IGSF21: variants seen among roughly 807,000 people sequenced by gnomAD.
IGSF21 encodes the protein immunoglobin superfamily member 21.
IGSF21 carries 28 observed loss-of-function variants against 46.8 expected under a neutral mutation model. The ratio of observed to expected loss-of-function variants is 0.60; its 90% CI spans 0.44 to 0.82. The LOEUF is 0.82. Ranked by LOEUF, IGSF21 falls within the 40% of genes least tolerant of loss-of-function variation. IGSF21 has a pLI of 0.00. For missense variants in IGSF21, 624 were observed against 665.5 expected (o/e 0.94, Z 0.69); for synonymous variants, 284 against 273.6 (o/e 1.04, Z -0.38).
intron 2 of IGSF21, among the ~76,000 whole-genome samples, chr1:18,286,107 C>A (rs1424752049): frequency 1.3e-5 from 2 of 152,196 alleles, no homozygotes; most frequent in African/African-American, 4.8e-5. Context: ...TGTGTGACCC[C>A]AAAAGCCTCT....
At chr1:18,182,830 C>G (rs2086869689) in intron 1 of IGSF21, among the ~76,000 whole-genome samples, 1 of 152,228 alleles carries the variant, frequency 6.6e-6, no homozygotes, top group Non-Finnish European at 1.5e-5. Context: ...GCCTCTCCAC[C>G]TGGTGAAATT....
At chr1:18,125,392 G>A (rs1461120657) in intron 1 of IGSF21, among the ~76,000 whole-genome samples, 2 of 152,188 alleles carry the variant, frequency 1.3e-5, no homozygotes, top group Admixed American at 6.5e-5. Flanking sequence ...CTGGTGCAGG[G>A]CAGGTATCAG....
chr1:18,368,791 C>T (rs1304013544), intron 6 of IGSF21, among the ~76,000 whole-genome samples: 2 of 152,192 alleles, frequency 1.3e-5, no homozygotes, highest in East Asian at 1.9e-4. Context: ...CGGGGTGGCA[C>T]CCTTGCCCCA....
rs535935338 is a variant in IGSF21, at chr1:18,232,274, T to C, written c.183+4264T>C. Among the ~76,000 whole-genome samples the C allele has an allele frequency of 5.5e-5, 8 of 145,752 alleles. No individual in the cohort carries two copies. In the South Asian group the frequency reaches 1.6e-3, roughly 28 times the overall value. ...TCACCAGTAGGAGGCTGTCAGCTAA[T>C]AACTAATCTACCCTAGCACTTAAGT... On this transcript the variant is annotated intron_variant, in intron 2 of 9. Transcript: ENST00000251296.
At chr1:18,377,058 C>A in intron 8 of IGSF21, 66 bp downstream of exon 8, 1 of 1,503,844 alleles carries the variant, frequency 6.6e-7, no homozygotes, top group East Asian at 2.3e-5. Context: ...GGGAGGTTTC[C>A]CCAGGAGGAA....
intron 2 of IGSF21, among the ~76,000 whole-genome samples, chr1:18,242,992 G>C (rs1450278786): frequency 6.6e-6 from 1 of 152,180 alleles, no homozygotes; most frequent in African/African-American, 2.4e-5. Context: ...AAAGGCCTGG[G>C]GGTGGCCCAT....
rs1557668177 is a variant in IGSF21 at position 18,376,716 on chromosome 1, C to G, written c.1102-84C>G. The stretch of plus-strand genomic sequence containing the variant: ...CGTCGGATGAGAATGCTGTGCCACC[C>G]CTGGCCAGGCAGCCCCTGACCCCTT... On this transcript the variant is annotated intron_variant, in intron 7 of 9. Coordinates refer to ENST00000251296, the MANE Select transcript of IGSF21 (RefSeq NM_032880.5). 5 of 1,350,974 alleles carry G rather than the reference C, an allele frequency of 3.7e-6. No individual in the cohort carries two copies. The South Asian group carries it at 4.1e-5, about 11-fold the overall frequency. 83.7% of individuals were successfully genotyped at this position (1,350,974 alleles called of 1,614,324 possible).
chr1:18,129,911 C>T (rs1454710386), intron 1 of IGSF21, among the ~76,000 whole-genome samples: 1 of 152,152 alleles, frequency 6.6e-6, no homozygotes, highest in Admixed American at 6.5e-5. Flanking sequence ...CATGGGATGA[C>T]ACAGCAAGAG....
chr1:18,178,450 A>C (rs1392390027), intron 1 of IGSF21, among the ~76,000 whole-genome samples: 1 of 152,166 alleles, frequency 6.6e-6, no homozygotes, highest in Non-Finnish European at 1.5e-5. Context: ...ATCTAACTTC[A>C]TGTTGCCTCA....
intron 2 of IGSF21, among the ~76,000 whole-genome samples, chr1:18,242,365 G>A (rs2124519094): frequency 6.6e-6 from 1 of 152,340 alleles, no homozygotes; most frequent in South Asian, 2.1e-4. Flanking sequence ...GGCTGAGGCT[G>A]CTTCCAGTCA....
chr1:18,190,040 G>A (rs982001463), intron 1 of IGSF21, among the ~76,000 whole-genome samples: 1 of 152,178 alleles, frequency 6.6e-6, no homozygotes, highest in Non-Finnish European at 1.5e-5. Context: ...GCCACCCTCA[G>A]CCCTCTTCCT....
intron 3 of IGSF21, among the ~76,000 whole-genome samples, chr1:18,298,030 A>G (rs2085328028): frequency 1.3e-5 from 2 of 152,262 alleles, no homozygotes; most frequent in South Asian, 2.1e-4. Context: ...CAGCCAGGCA[A>G]GGTTGGGGCT....
chr1:18,367,759 A>G (rs2086182762), intron 6 of IGSF21, among the ~76,000 whole-genome samples: 1 of 144,970 alleles, frequency 6.9e-6, no homozygotes, highest in African/African-American at 2.6e-5. Context: ...GGTGCCTTCC[A>G]CCACATCCTG....
chr1:18,201,897 C>G (rs1035667868), intron 1 of IGSF21, among the ~76,000 whole-genome samples: 1 of 152,208 alleles, frequency 6.6e-6, no homozygotes, highest in African/African-American at 2.4e-5. Flanking sequence ...GTCCTCTAAT[C>G]TTGATTAAAC....
chr1:18,367,266 A>C lies in IGSF21; in HGVS notation c.1015+1569A>C, dbSNP rs2086175922. ...AAACCCAACACCTCCTCAGTATCAA[A>C]TACCAAAGAAAAGGATTTCTTGTAC... On this transcript the variant is annotated intron_variant, in intron 6 of 9. Transcript: ENST00000251296. 3.3e-5 allele frequency among the ~76,000 whole-genome samples: 5 copies of C among 152,228 alleles called. 1 individual carries two copies. The South Asian group carries it at 1.0e-3, about 32-fold the overall frequency.
rs1263705981 is a variant in IGSF21 at position 18,353,351 on chromosome 1, T to G, written c.425-8764T>G. On this transcript the variant is annotated intron_variant, in intron 4 of 9. Transcript: ENST00000251296. ...CAGCCCTTCCAACTTGGGCAGGGAT[T>G]GGAGGGAAGGATGCCTGGGCCCTTC... is the stretch of plus-strand genomic sequence containing the variant. Among the ~76,000 whole-genome samples, 8 of 151,896 alleles carry G rather than the reference T, an allele frequency of 5.3e-5. No individual in the cohort carries two copies. In the East Asian group the frequency reaches 1.4e-3, roughly 26 times the overall value.
intron 4 of IGSF21, among the ~76,000 whole-genome samples, chr1:18,349,331 C>A (rs1016298195): frequency 6.6e-6 from 1 of 152,018 alleles, no homozygotes; most frequent in Admixed American, 6.5e-5. Flanking sequence ...CACAGGTTTC[C>A]AGAATTCCAG....
Position 18,347,119 on chromosome 1 carries a change from G to A in IGSF21, c.424+12109G>A, listed in dbSNP as rs193296102. On this transcript the variant is annotated intron_variant, in intron 4 of 9. Coordinates refer to ENST00000251296, the MANE Select transcript of IGSF21 (RefSeq NM_032880.5). ...GTCACTTCCCAGCATCAGCCCCAAAGGTCCAAGCCTGCTGACTGCCTCCTG... is the reference window on the plus strand; with the variant it reads ...GTCACTTCCCAGCATCAGCCCCAAAAGTCCAAGCCTGCTGACTGCCTCCTG... Among the ~76,000 whole-genome samples the A allele has an allele frequency of 4.1e-4, 62 of 152,298 alleles. 1 individual carries two copies. The East Asian group carries it at 0.012, about 28-fold the overall frequency.
At chr1:18,257,484 C>A (rs2084902883) in intron 2 of IGSF21, among the ~76,000 whole-genome samples, 1 of 152,070 alleles carries the variant, frequency 6.6e-6, no homozygotes, top group East Asian at 1.9e-4. Flanking sequence ...AGGTACTTTC[C>A]CCATGTGACA....
Sources: gnomAD v4.1 joint callset for allele counts (sites outside exome capture counted in the v4.1 genomes callset) on GRCh38, gnomAD v4.1.1 for gene constraint, MANE v1.5 for transcripts, NCBI Gene and HGNC (gene_info 2026-07-23, HGNC 2026-07-21) for gene names.